LYST: variants seen among roughly 807,000 people sequenced by gnomAD.
LYST encodes the protein lysosomal trafficking regulator.
Under a neutral mutation model 413.6 loss-of-function variants are expected in LYST, and 192 were observed. The ratio of observed to expected loss-of-function variants is 0.46; its 90% CI spans 0.41 to 0.52. The LOEUF (loss-of-function observed/expected upper bound fraction) is 0.52. Ranked by LOEUF, LYST falls within the 20% of genes least tolerant of loss-of-function variation. LYST has a pLI of 0.00. For synonymous variants in LYST, 1,525 were observed against 1,567.3 expected, an observed-to-expected ratio of 0.97 and a Z score of 0.64; for missense variants, 3,815 against 4,499.9, an observed-to-expected ratio of 0.85 and a Z score of 4.35.
At chr1:235,711,457 C>T (rs966042952) in intron 43 of LYST, among the ~76,000 whole-genome samples, 3 of 152,156 alleles carry the variant, frequency 2.0e-5, no homozygotes, top group Non-Finnish European at 4.4e-5. Context: ...GTTTCATATG[C>T]TCTTAAGGAT....
intron 1 of LYST, among the ~76,000 whole-genome samples, chr1:235,876,639 C>T (rs1681151587): frequency 6.6e-6 from 1 of 152,158 alleles, no homozygotes; most frequent in African/African-American, 2.4e-5. Flanking sequence ...GAATATTTGA[C>T]ATCTATGTGC....
intron 1 of LYST, among the ~76,000 whole-genome samples, chr1:235,850,446 C>G (rs1378810933): frequency 6.6e-6 from 1 of 152,114 alleles, no homozygotes; most frequent in Non-Finnish European, 1.5e-5. Context: ...ATTGGAAAAA[C>G]CTTTCTAGAC....
chr1:235,807,151 C>T (rs2032032), intron 5 of LYST, among the ~76,000 whole-genome samples: 75,979 of 152,076 alleles, frequency 0.5, 22,440 homozygotes, highest in African/African-American at 0.82. Flanking sequence ...CAGGCAAGCA[C>T]GTGTTTGTTC....
chr1:235,811,786 A>G (rs1673475472), intron 4 of LYST, among the ~76,000 whole-genome samples: 1 of 152,162 alleles, frequency 6.6e-6, no homozygotes, highest in South Asian at 2.1e-4. Context: ...ATTCCACCCA[A>G]GCAAAAGATG....
At chr1:235,745,702 G>C (rs948616238) in intron 29 of LYST, among the ~76,000 whole-genome samples, 1 of 151,936 alleles carries the variant, frequency 6.6e-6, no homozygotes, top group African/African-American at 2.4e-5. Context: ...ATATCACTCA[G>C]CAAGAAAAAA....
At position 235,686,405 on chromosome 1, in the gene LYST, A is replaced by C. The variant is rs116356882; in HGVS notation, c.10800+544T>G. On this transcript the variant is annotated intron_variant, in intron 48 of 52. Coordinates refer to ENST00000389793, the MANE Select transcript of LYST (RefSeq NM_000081.4). The surrounding 1 kb of genome is among the most constrained non-coding windows in gnomAD (Gnocchi z 4.0). ...AAAACAAAACAAAACAAAACCCCCC[A>C]AAAACAGTAAATTAAAAGAAGCATT... Among the ~76,000 whole-genome samples, 806 of 152,280 alleles carry C rather than the reference A, an allele frequency of 5.3e-3. 4 individuals carry two copies. Among genetic ancestry groups the C allele is most frequent in the Admixed American group, 7.9e-3 (121 of 15,296 alleles).
Position 235,835,106 on chromosome 1 carries a change from G to C in LYST, c.-97-1439C>G, listed in dbSNP as rs559626645. 2.6e-5 allele frequency among the ~76,000 whole-genome samples: 4 copies of C among 151,404 alleles called. No homozygotes were observed. The East Asian group carries it at 5.8e-4, about 22-fold the overall frequency. ...CTAATTTTTGTATTTTTAATGGGGG[G>C]GGGTTTCGCCACATTGGCCAGGCTG... On this transcript the variant is annotated intron_variant, in intron 1 of 52. Transcript: ENST00000389793.
At chr1:235,699,932 C>T (rs1661412918) in intron 45 of LYST, among the ~76,000 whole-genome samples, 1 of 152,042 alleles carries the variant, frequency 6.6e-6, no homozygotes, top group African/African-American at 2.4e-5. Flanking sequence ...GAAATAACAC[C>T]ACACATCTAC....
At chr1:235,874,019 A>T (rs764203008) in intron 1 of LYST, among the ~76,000 whole-genome samples, 3 of 152,222 alleles carry the variant, frequency 2.0e-5, no homozygotes, top group Non-Finnish European at 4.4e-5. Flanking sequence ...ATAGAATAAC[A>T]CTTGACCACT....
At chr1:235,836,411 A>G (rs1453962543) in intron 1 of LYST, among the ~76,000 whole-genome samples, 1 of 152,212 alleles carries the variant, frequency 6.6e-6, no homozygotes, top group Non-Finnish European at 1.5e-5. Context: ...AAGGGTATAG[A>G]GTGACAGGAA....
At position 235,731,146 on chromosome 1, in the gene LYST, T is replaced by G. The variant is rs759944436; in HGVS notation, c.8833A>C (p.Thr2945Pro). 1 of 1,613,854 alleles carries G rather than the reference T, an allele frequency of 6.2e-7. No homozygotes were observed. Among genetic ancestry groups the G allele is most frequent in the African/African-American group, 1.3e-5 (1 of 74,864 alleles). The change falls in exon 35 of 53, where the codon ACC (threonine) becomes CCC (proline). Residue 2945 changes from threonine (T) to proline (P), a missense_variant. Around this residue, in one of 4 missense-constraint regions of LYST, gnomAD observed 866 missense variants for 1,156.0 expected, o/e 0.75. Coordinates refer to ENST00000389793, the MANE Select transcript of LYST (RefSeq NM_000081.4). The stretch of plus-strand genomic sequence containing the variant: ...TCTGTTGGATCCAACTGCCATGAGG[T>G]TGGATAGTAGATGGGGTCATACCAT... ...AVWYDPIYYPTSWQLDPTEGP... is the reference protein window; with the variant it reads ...AVWYDPIYYPPSWQLDPTEGP...
chr1:235,694,154 C>T (rs1000330242), intron 46 of LYST, among the ~76,000 whole-genome samples: 3 of 151,862 alleles, frequency 2.0e-5, no homozygotes, highest in South Asian at 4.2e-4. Context: ...GGACTACAGG[C>T]GCTCGCCACC....
chr1:235,835,474 G>C (rs145208920), intron 1 of LYST, among the ~76,000 whole-genome samples: 1 of 152,084 alleles, frequency 6.6e-6, no homozygotes, highest in Non-Finnish European at 1.5e-5. Flanking sequence ...TTCTCTTATC[G>C]AGGGACATTT....
chr1:235,803,985 G>C lies in LYST; in HGVS notation c.3555+519C>G, dbSNP rs149853134. Reference sequence around the variant, plus strand: ...TTATGTACCACATAATTTTAGGAAAGAAAATTACAACAGTTGTTTTAGGAA... The same window carrying C: ...TTATGTACCACATAATTTTAGGAAACAAAATTACAACAGTTGTTTTAGGAA... On this transcript the variant is annotated intron_variant, in intron 7 of 52. Coordinates refer to ENST00000389793, the MANE Select transcript of LYST (RefSeq NM_000081.4). Among the ~76,000 whole-genome samples the C allele has an allele frequency of 2.0e-5, 3 of 152,174 alleles. No individual in the cohort carries two copies. In the East Asian group the frequency reaches 5.8e-4, roughly 29 times the overall value.
chr1:235,841,143 CA>C (rs1487909431), intron 1 of LYST, among the ~76,000 whole-genome samples: 2 of 152,200 alleles, frequency 1.3e-5, no homozygotes. Context: ...ATTCCAATTT[CA>C]GCAATGCTCA....
chr1:235,859,603 T>TC (rs1469290825), intron 1 of LYST, among the ~76,000 whole-genome samples: 5 of 151,732 alleles, frequency 3.3e-5, no homozygotes, highest in Non-Finnish European at 7.4e-5. Flanking sequence ...ATTTCACATC[T>TC]CCAAATCCAC....
intron 31 of LYST, chr1:235,738,296 TC>T: frequency 1.9e-6 from 3 of 1,611,770 alleles, no homozygotes; most frequent in Non-Finnish European, 2.5e-6. Flanking sequence ...CTGAGGCACA[TC>T]GCAAGAGGGA....
At chr1:235,710,393 T>A (rs1439340729) in intron 43 of LYST, among the ~76,000 whole-genome samples, 1 of 152,074 alleles carries the variant, frequency 6.6e-6, no homozygotes, top group East Asian at 1.9e-4. Context: ...CAGGAACTTA[T>A]TTATTTAACA....
At position 235,664,545 on chromosome 1, in the gene LYST, G is replaced by C. The variant is rs764277268; in HGVS notation, c.11115C>G (p.Ile3705Met). Residue 3705 changes from isoleucine to methionine, a missense_variant, in exon 51 of 53, where the codon ATC becomes ATG. Physicochemically the swap from Ile to Met is conservative, Grantham distance 10 (BLOSUM62 1). Around this residue, in one of 4 missense-constraint regions of LYST, gnomAD observed 866 missense variants for 1,156.0 expected, o/e 0.75. Coordinates refer to ENST00000389793, the MANE Select transcript of LYST (RefSeq NM_000081.4). The surrounding 1 kb of genome is among the most constrained non-coding windows in gnomAD (Gnocchi z 4.5). ...LVGHVHCREI[I>M]CSVAFSNQPE... The stretch of plus-strand genomic sequence containing the variant: ...GCTGGTTGGAGAAAGCCACGGAACA[G>C]ATGATCTCCCTGCAGTGGACATGTC... 1 of 1,614,138 alleles carries C rather than the reference G, an allele frequency of 6.2e-7. No individual in the cohort carries two copies. The highest frequency in any genetic ancestry group is 1.7e-5 in the Admixed American group (1 of 60,020).
Sources: allele counts gnomAD v4.1 joint callset (sites outside exome capture counted in the v4.1 genomes callset), GRCh38; gene constraint gnomAD v4.1.1; regional missense constraint gnomAD v4.1.1; non-coding constraint Gnocchi (gnomAD v3.1); transcripts MANE v1.5; gene names NCBI Gene and HGNC (gene_info 2026-07-23, HGNC 2026-07-21).